ATP9B: variants seen among roughly 807,000 people sequenced by gnomAD.
The protein encoded by ATP9B is probable phospholipid-transporting ATPase IIB.
In ATP9B, 110 loss-of-function variants were observed where a neutral mutation model predicts 146.1. That is an observed-to-expected ratio of 0.75 (90% CI 0.65 to 0.88). ATP9B has a LOEUF of 0.88. Among genes scored for constraint, ATP9B ranks in the 40% least tolerant of loss-of-function variants. The probability of loss-of-function intolerance (pLI) is 0.00; values close to 1 mark genes in which losing one functional copy is unlikely to be tolerated. For synonymous variants in ATP9B, 604 were observed against 569.7 expected (o/e 1.06, Z -0.86); for missense variants, 1,499 against 1,496.4 (o/e 1.00, Z -0.03).
In ATP9B at chr18:79,335,102, G is replaced by A. The variant is rs1342316216; in HGVS notation, c.2029-1526G>A. On this transcript the variant is annotated intron_variant, in intron 17 of 29. Transcript: ENST00000426216. ...CACACAAGGAAATGGCACAGAAAGC[G>A]CAGAGTTCCAGAAGTGGCTTCTGCC... Among the ~76,000 whole-genome samples the A allele has an allele frequency of 4.0e-5, 6 of 148,654 alleles. No homozygotes were observed. In the East Asian group the frequency reaches 1.0e-3, roughly 25 times the overall value.
At chr18:79,204,738 T>C (rs1357891554) in intron 9 of ATP9B, among the ~76,000 whole-genome samples, 2 of 152,182 alleles carry the variant, frequency 1.3e-5, no homozygotes, top group Non-Finnish European at 2.9e-5. Context: ...GACAGATTGT[T>C]TCCATCCAGG....
In ATP9B at chr18:79,342,377, ATC is replaced by A; in HGVS notation, c.2382+13_2382+14del. On this transcript the variant is annotated intron_variant, in intron 20 of 29. Transcript: ENST00000426216. Reference sequence around the variant, plus strand: ...CATATTTTCAGACAGGTAAGTATGTATCTTAATCACTTTGAATTTTTAAACAT... The same window carrying A: ...CATATTTTCAGACAGGTAAGTATGTATTAATCACTTTGAATTTTTAAACAT... 1 of 1,573,388 alleles carries A rather than the reference ATC, an allele frequency of 6.4e-7. No individual in the cohort carries two copies. Among genetic ancestry groups the A allele is most frequent in the Non-Finnish European group, 8.7e-7 (1 of 1,146,614 alleles).
intron 25 of ATP9B, among the ~76,000 whole-genome samples, chr18:79,358,786 T>G (rs1157155232): frequency 8.8e-6 from 1 of 113,038 alleles, no homozygotes; most frequent in African/African-American, 3.5e-5. Flanking sequence ...AGGGGTGTCC[T>G]GGGTCTGGAG....
At position 79,305,813 on chromosome 18, in the gene ATP9B, C is replaced by T. The variant is rs116563418; in HGVS notation, c.1525-1173C>T. ...ATGTGAAATTGATCTGATTCTCTAT[C>T]GGTATTCTGTTTTATTACTAAGATG... On this transcript the variant is annotated intron_variant, in intron 14 of 29. Coordinates refer to ENST00000426216, the MANE Select transcript of ATP9B (RefSeq NM_198531.5). 6.6e-3 allele frequency among the ~76,000 whole-genome samples: 1,007 copies of T among 152,278 alleles called. 6 individuals are homozygous for T. Among genetic ancestry groups the T allele is most frequent in the African/African-American group, 0.023 (942 of 41,558 alleles).
chr18:79,307,278 G>C, intron 15 of ATP9B, 44 bp downstream of exon 15: 1 of 1,611,754 alleles, frequency 6.2e-7, no homozygotes, highest in South Asian at 1.1e-5. Context: ...CGTTCCATTT[G>C]GACTCCAGAG....
chr18:79,271,493 G>C (rs1284731598), intron 12 of ATP9B, among the ~76,000 whole-genome samples: 1 of 151,710 alleles, frequency 6.6e-6, no homozygotes, highest in African/African-American at 2.4e-5. Context: ...GCGGTGTTTG[G>C]TTTTTTGTCT....
At chr18:79,069,598 C>T in intron 1 of ATP9B, 69 bp downstream of exon 1, 1 of 1,076,178 alleles carries the variant, frequency 9.3e-7, no homozygotes, top group Non-Finnish European at 1.2e-6. Context: ...CCGCAGGAAC[C>T]CGGAGCCGGG....
intron 9 of ATP9B, among the ~76,000 whole-genome samples, chr18:79,201,879 A>C (rs368364208): frequency 6.6e-6 from 1 of 151,274 alleles, no homozygotes; most frequent in Non-Finnish European, 1.5e-5. Flanking sequence ...GATTTAAAAA[A>C]ATTTTTTTTT....
intron 26 of ATP9B, chr18:79,372,614 C>T (rs561494923): frequency 7.5e-6 from 5 of 667,684 alleles, no homozygotes; most frequent in South Asian, 6.0e-5. Flanking sequence ...ACCTCAGGCA[C>T]CAGTGGACAC....
At chr18:79,363,752 G>C (rs1379502098) in intron 26 of ATP9B, 1 of 152,136 alleles carries the variant, frequency 6.6e-6, no homozygotes, top group Admixed American at 6.5e-5. Flanking sequence ...TTTGAGAGAC[G>C]TAAACAGATA....
At chr18:79,096,415 G>T in intron 1 of ATP9B, 61 bp from the exon 2 acceptor site, 1 of 1,464,832 alleles carries the variant, frequency 6.8e-7, no homozygotes, top group Non-Finnish European at 9.4e-7. Flanking sequence ...GTCCCTAAAT[G>T]AAACACACTG....
At chr18:79,279,866 G>C (rs1185109707) in intron 13 of ATP9B, among the ~76,000 whole-genome samples, 1 of 152,178 alleles carries the variant, frequency 6.6e-6, no homozygotes, top group African/African-American at 2.4e-5. Flanking sequence ...GTTCACTCTT[G>C]GTGGGAACTT....
At chr18:79,347,584 G>A in intron 23 of ATP9B, among the ~76,000 whole-genome samples, 186 bp from the exon 24 acceptor site, 1 of 152,226 alleles carries the variant, frequency 6.6e-6, no homozygotes. Flanking sequence ...CTGGTGCTGG[G>A]GGCTCTTCCT....
At chr18:79,152,292 T>C (rs2094702670) in intron 6 of ATP9B, among the ~76,000 whole-genome samples, 1 of 152,234 alleles carries the variant, frequency 6.6e-6, no homozygotes, top group Non-Finnish European at 1.5e-5. Flanking sequence ...TTCAATACTT[T>C]TTCATATGAT....
chr18:79,191,173 C>T (rs1402954530), intron 8 of ATP9B, among the ~76,000 whole-genome samples: 1 of 152,120 alleles, frequency 6.6e-6, no homozygotes, highest in Admixed American at 6.5e-5. Flanking sequence ...TCTTCTGACT[C>T]CATTATTTAT....
intron 15 of ATP9B, 86 bp from the exon 16 acceptor site, chr18:79,329,055 A>G (rs2046349153): frequency 3.0e-6 from 4 of 1,346,340 alleles, no homozygotes; most frequent in Admixed American, 7.0e-5. Context: ...CATGTTGGCA[A>G]GCTTTCTGAG....
At chr18:79,287,262 T>C (rs201802984) in intron 13 of ATP9B, among the ~76,000 whole-genome samples, 1 of 152,078 alleles carries the variant, frequency 6.6e-6, no homozygotes, top group East Asian at 1.9e-4. Flanking sequence ...CTCTTTTTGG[T>C]TGGTAAGCTA....
chr18:79,128,863 A>T (rs1290853682), intron 5 of ATP9B, among the ~76,000 whole-genome samples: 1 of 152,198 alleles, frequency 6.6e-6, no homozygotes, highest in African/African-American at 2.4e-5. Context: ...TACAGCACCC[A>T]GGAAATTGCT....
At chr18:79,233,688 A>G (rs1480886512) in intron 11 of ATP9B, among the ~76,000 whole-genome samples, 3 of 152,190 alleles carry the variant, frequency 2.0e-5, no homozygotes, top group Admixed American at 6.5e-5. Context: ...CAGTTGACCA[A>G]TGAGCAGCAG....
Sources: allele counts gnomAD v4.1 joint callset (sites outside exome capture counted in the v4.1 genomes callset), GRCh38; gene constraint gnomAD v4.1.1; transcripts MANE v1.5; gene names NCBI Gene and HGNC (gene_info 2026-07-23, HGNC 2026-07-21).